RALGAPA2: variants seen among roughly 807,000 people sequenced by gnomAD.
RALGAPA2 encodes Ral GTPase activating protein catalytic subunit alpha 2.
In RALGAPA2, 139 loss-of-function variants were observed where a neutral mutation model predicts 230.4. The ratio of observed to expected loss-of-function variants is 0.60; its 90% CI spans 0.53 to 0.69. The LOEUF (loss-of-function observed/expected upper bound fraction) is 0.69. Among genes scored for constraint, RALGAPA2 ranks in the 30% least tolerant of loss-of-function variants. The pLI is 0.00. For missense variants in RALGAPA2, 2,163 were observed against 2,276.0 expected, an observed-to-expected ratio of 0.95 and a Z score of 1.01; for synonymous variants, 847 against 837.8, an observed-to-expected ratio of 1.01 and a Z score of -0.19.
At chr20:20,524,222 C>G (rs1431770697) in intron 30 of RALGAPA2, among the ~76,000 whole-genome samples, 184 bp downstream of exon 30, 1 of 152,190 alleles carries the variant, frequency 6.6e-6, no homozygotes, top group African/African-American at 2.4e-5. Context: ...TCCCAAAGTG[C>G]TGGGATTACA....
intron 37 of RALGAPA2, among the ~76,000 whole-genome samples, chr20:20,446,167 G>A (rs1235122801): frequency 1.3e-5 from 2 of 152,010 alleles, no homozygotes; most frequent in Non-Finnish European, 2.9e-5. Context: ...CTGAATGAAT[G>A]TATATGTTTC....
chr20:20,582,366 G>A lies in RALGAPA2; in HGVS notation c.2707+684C>T, dbSNP rs538635271. Reference sequence around the variant, plus strand: ...ACAGAGATTAAATAACTAGCTCAAGGCCACCCAGCAATTCCTCGGAGGTGC... The same window carrying A: ...ACAGAGATTAAATAACTAGCTCAAGACCACCCAGCAATTCCTCGGAGGTGC... On this transcript the variant is annotated intron_variant, in intron 20 of 39. Coordinates refer to ENST00000202677, the MANE Select transcript of RALGAPA2 (RefSeq NM_020343.4). Among the ~76,000 whole-genome samples, 185 of 152,166 alleles carry A rather than the reference G, an allele frequency of 1.2e-3. 1 individual carries two copies. The highest frequency in any genetic ancestry group is 4.1e-3 in the African/African-American group (171 of 41,510).
intron 1 of RALGAPA2, among the ~76,000 whole-genome samples, chr20:20,690,511 C>A (rs1400751165): frequency 6.6e-6 from 1 of 152,172 alleles, no homozygotes; most frequent in African/African-American, 2.4e-5. Flanking sequence ...TCATCTCTGA[C>A]TGTCACCCCC....
At chr20:20,675,554 C>A (rs2068290417) in intron 3 of RALGAPA2, among the ~76,000 whole-genome samples, 1 of 152,176 alleles carries the variant, frequency 6.6e-6, no homozygotes, top group East Asian at 1.9e-4. Flanking sequence ...CTTTCGGAAC[C>A]TATAATTCAG....
intron 27 of RALGAPA2, among the ~76,000 whole-genome samples, chr20:20,530,171 G>A (rs562324442): frequency 6.6e-6 from 1 of 152,326 alleles, no homozygotes; most frequent in East Asian, 1.9e-4. Flanking sequence ...GCTTTGGCAA[G>A]CTCCTTCAGT....
intron 36 of RALGAPA2, among the ~76,000 whole-genome samples, chr20:20,484,057 C>G (rs966220333): frequency 1.3e-5 from 2 of 152,128 alleles, no homozygotes; most frequent in African/African-American, 4.8e-5. Context: ...CACAGTTTCC[C>G]CCTCTGGGAA....
intron 37 of RALGAPA2, among the ~76,000 whole-genome samples, chr20:20,462,378 A>C (rs1259907258): frequency 6.6e-6 from 1 of 152,228 alleles, no homozygotes; most frequent in Non-Finnish European, 1.5e-5. Flanking sequence ...ATTAAAGTGC[A>C]TCTGGACTCC....
intron 32 of RALGAPA2, among the ~76,000 whole-genome samples, chr20:20,511,983 G>A (rs1455977850): frequency 6.6e-6 from 1 of 152,140 alleles, no homozygotes; most frequent in Non-Finnish European, 1.5e-5. Context: ...GAGGTCAGTA[G>A]TTTGAGACCA....
At chr20:20,668,313 G>A (rs1373216879) in intron 3 of RALGAPA2, among the ~76,000 whole-genome samples, 2 of 152,172 alleles carry the variant, frequency 1.3e-5, no homozygotes, top group Non-Finnish European at 2.9e-5. Context: ...TGAGGCAGGA[G>A]AATTGCTTGA....
rs185887580 is a variant in RALGAPA2, at chr20:20,677,875, T to C, written c.218-1587A>G. On this transcript the variant is annotated intron_variant, in intron 2 of 39. Transcript: ENST00000202677. ...GTTAACCAGGATGGTCTTGATCTCC[T>C]GACCTCGTGATCTGCCCTCCTCGGC... Among the ~76,000 whole-genome samples the C allele has an allele frequency of 9.9e-4, 151 of 151,970 alleles. 1 individual carries two copies. The highest frequency in any genetic ancestry group is 3.2e-3 in the African/African-American group (133 of 41,450).
intron 10 of RALGAPA2, among the ~76,000 whole-genome samples, chr20:20,621,615 T>C (rs1364172327): frequency 6.6e-6 from 1 of 152,226 alleles, no homozygotes; most frequent in Non-Finnish European, 1.5e-5. Context: ...CAAGAGCCTC[T>C]GGCAAAGTTG....
intron 1 of RALGAPA2, among the ~76,000 whole-genome samples, chr20:20,689,747 C>G (rs2068835369): frequency 6.6e-6 from 1 of 152,178 alleles, no homozygotes; most frequent in South Asian, 2.1e-4. Flanking sequence ...ACTCTTAATA[C>G]AATTGTTACA....
At chr20:20,692,876 C>T (rs2068964972) in intron 1 of RALGAPA2, among the ~76,000 whole-genome samples, 1 of 152,266 alleles carries the variant, frequency 6.6e-6, no homozygotes, top group Non-Finnish European at 1.5e-5. Context: ...TGCCTTGGGA[C>T]CTCTTTTTAT....
intron 23 of RALGAPA2, among the ~76,000 whole-genome samples, chr20:20,558,504 G>A (rs570221269): frequency 6.6e-6 from 1 of 152,208 alleles, no homozygotes; most frequent in South Asian, 2.1e-4. Flanking sequence ...TCTCATAGAA[G>A]TATTATCAGA....
chr20:20,396,468 C>G (rs541971512), intron 39 of RALGAPA2, among the ~76,000 whole-genome samples: 1 of 152,342 alleles, frequency 6.6e-6, no homozygotes, highest in South Asian at 2.1e-4. Context: ...GTGTTGGTGT[C>G]GGATTCCTCC....
intron 23 of RALGAPA2, among the ~76,000 whole-genome samples, chr20:20,548,476 A>C (rs1179062752): frequency 1.3e-5 from 2 of 152,204 alleles, no homozygotes; most frequent in African/African-American, 2.4e-5. Context: ...ATAGTTTAGC[A>C]AGTACTAATT....
intron 37 of RALGAPA2, among the ~76,000 whole-genome samples, chr20:20,458,868 A>AGACC (rs1336206944): frequency 1.2e-4 from 16 of 136,862 alleles, no homozygotes; most frequent in East Asian, 4.5e-4. Flanking sequence ...ATATATATAT[A>AGACC]TATATATACA....
At chr20:20,574,280 CAGTT>C (rs1444239255) in intron 20 of RALGAPA2, among the ~76,000 whole-genome samples, 2 of 152,214 alleles carry the variant, frequency 1.3e-5, no homozygotes, top group Non-Finnish European at 1.5e-5. Flanking sequence ...GGGGAAGAGT[CAGTT>C]AGGGAGAAGA....
intron 23 of RALGAPA2, among the ~76,000 whole-genome samples, chr20:20,549,602 C>T (rs1258787222): frequency 3.9e-5 from 6 of 152,186 alleles, no homozygotes; most frequent in East Asian, 1.9e-4. Flanking sequence ...GCTTCCGTTG[C>T]TTCTCCACAC....
Sources: allele counts gnomAD v4.1 joint callset (sites outside exome capture counted in the v4.1 genomes callset), GRCh38; gene constraint gnomAD v4.1.1; transcripts MANE v1.5; gene names NCBI Gene and HGNC (gene_info 2026-07-23, HGNC 2026-07-21).